The following DNAH10 variants were observed in gnomAD, a reference collection of about 807,000 sequenced individuals.
The protein encoded by DNAH10 is axonemal beta dynein heavy chain 10.
DNAH10 carries 348 observed loss-of-function variants against 506.6 expected under a neutral mutation model. That is an observed-to-expected ratio of 0.69 (90% confidence interval 0.63 to 0.75). The LOEUF is 0.75. Among genes scored for constraint, DNAH10 ranks in the 30% least tolerant of loss-of-function variants. DNAH10 has a pLI of 0.00. For synonymous variants in DNAH10, 2,059 were observed against 2,198.6 expected, an observed-to-expected ratio of 0.94 and a Z score of 1.78; for missense variants, 5,179 against 5,787.1, an observed-to-expected ratio of 0.89 and a Z score of 3.41.
chr12:123,820,459 G>C, intron 23 of DNAH10, 121 bp from the exon 24 acceptor site: 1 of 987,292 alleles, frequency 1.0e-6, no homozygotes, highest in Non-Finnish European at 1.5e-6. Flanking sequence ...TTCTAAATTT[G>C]TCTTCCCGTG....
chr12:123,770,248 A>G (rs1957199363), intron 2 of DNAH10, among the ~76,000 whole-genome samples: 1 of 151,770 alleles, frequency 6.6e-6, no homozygotes, highest in Non-Finnish European at 1.5e-5. Context: ...ATTTGTCTCA[A>G]AAAAAAATTT....
At position 123,907,951 on chromosome 12, in the gene DNAH10, C is replaced by G. The variant is rs983263052; in HGVS notation, c.9816-1310C>G. Among the ~76,000 whole-genome samples the G allele has an allele frequency of 2.6e-5, 4 of 152,156 alleles. No individual in the cohort carries two copies. Among genetic ancestry groups the G allele is most frequent in the Non-Finnish European group, 5.9e-5 (4 of 68,024 alleles). On this transcript the variant is annotated intron_variant, in intron 57 of 78. Coordinates refer to ENST00000673944, the MANE Select transcript of DNAH10 (RefSeq NM_001372106.1). This position sits in a 1 kb window ranked among gnomAD's most constrained non-coding sequence, Gnocchi z 4.4. ...GCTGTTGCCCTGGCTTGTCCGTACACTATGGGGCCTTCTCTCCTCTGCTGT... is the reference window on the plus strand; with the variant it reads ...GCTGTTGCCCTGGCTTGTCCGTACAGTATGGGGCCTTCTCTCCTCTGCTGT...
intron 56 of DNAH10, among the ~76,000 whole-genome samples, chr12:123,901,153 G>C (rs1362217042): frequency 1.3e-5 from 2 of 152,170 alleles, no homozygotes; most frequent in Non-Finnish European, 2.9e-5. Flanking sequence ...TCAAGCACCT[G>C]GCTTCGCCAG....
At position 123,928,029 on chromosome 12, in the gene DNAH10, T is replaced by G. The variant is rs1955022477; in HGVS notation, c.12106-358T>G. 3 of 354,772 alleles carry G rather than the reference T, an allele frequency of 8.5e-6. No homozygotes were observed. Among genetic ancestry groups the G allele is most frequent in the Non-Finnish European group, 1.5e-5 (3 of 193,726 alleles). 22.0% of individuals were successfully genotyped at this position (354,772 alleles called of 1,614,324 possible). A position where few individuals can be genotyped will look rare whatever the true frequency, so the allele number is the denominator to read the frequency against. On this transcript the variant is annotated intron_variant, in intron 69 of 78. Transcript: ENST00000673944. This position sits in a 1 kb window ranked among gnomAD's most constrained non-coding sequence, Gnocchi z 4.9. ...GAAGATCTTACAGTGGCCAGGACAG[T>G]CCCGACTTCCTGGTGGGCTTTAGCT...
At chr12:123,877,136 C>T (rs1254665192) in intron 47 of DNAH10, among the ~76,000 whole-genome samples, 1 of 152,188 alleles carries the variant, frequency 6.6e-6, no homozygotes, top group Admixed American at 6.5e-5. Context: ...TCCCACCTCT[C>T]ATTCCCAGGA....
At position 123,846,002 on chromosome 12, in the gene DNAH10, A is replaced by G; in HGVS notation, c.5662A>G (p.Ser1888Gly). The G allele has an allele frequency of 1.9e-6, 3 of 1,613,908 alleles. No homozygotes were observed. The South Asian group carries it at 3.3e-5, about 18-fold the overall frequency. The change falls in exon 32 of 79, where the codon AGT (serine) becomes GGT (glycine). Residue 1888 changes from serine to glycine, a missense_variant. By Grantham distance (56) the Ser-to-Gly change is moderately conservative (BLOSUM62 0). Around this residue, in one of 3 missense-constraint regions of DNAH10, gnomAD observed 4,844 missense variants for 5,430.5 expected, o/e 0.89. Coordinates refer to ENST00000673944, the MANE Select transcript of DNAH10 (RefSeq NM_001372106.1). This position sits in a 1 kb window ranked among gnomAD's most constrained non-coding sequence, Gnocchi z 4.5. ...ILEAREFDWE[S>G]QLRFYWDREP... ...GGAGGCCCGAGAGTTTGACTGGGAA[A>G]GTCAGTTGCGGTTTTATTGGGACCG...
intron 21 of DNAH10, among the ~76,000 whole-genome samples, chr12:123,816,621 C>T (rs1389391595): frequency 6.6e-6 from 1 of 152,170 alleles, no homozygotes; most frequent in Non-Finnish European, 1.5e-5. Flanking sequence ...AAGTGTCCTT[C>T]TGAGTTCTGT....
chr12:123,847,361 T>G (rs1951003117), intron 32 of DNAH10, among the ~76,000 whole-genome samples: 1 of 151,360 alleles, frequency 6.6e-6, no homozygotes, highest in African/African-American at 2.4e-5. Context: ...TCTGGATATT[T>G]AGGAGGAGAT....
chr12:123,893,538 A>C (rs74787816), intron 53 of DNAH10, 102 bp downstream of exon 53: 8 of 1,324,890 alleles, frequency 6.0e-6, no homozygotes, highest in Admixed American at 1.8e-5. Context: ...AAAGCAAAAC[A>C]AGACACGGCC....
chr12:123,783,390 C>G, intron 7 of DNAH10, 126 bp downstream of exon 7: 1 of 1,169,274 alleles, frequency 8.6e-7, no homozygotes, highest in East Asian at 2.5e-5. Flanking sequence ...TTCCTTAAGC[C>G]ATCAAAATAA....
chr12:123,901,747 G>A (rs572948013), intron 56 of DNAH10, among the ~76,000 whole-genome samples: 30 of 152,226 alleles, frequency 2.0e-4, no homozygotes, highest in African/African-American at 5.8e-4. Flanking sequence ...TGCAACCTCT[G>A]CCTCCTGGGT....
At chr12:123,848,987 C>A in intron 34 of DNAH10, 105 bp downstream of exon 34, 1 of 1,342,876 alleles carries the variant, frequency 7.4e-7, no homozygotes, top group South Asian at 1.4e-5. Flanking sequence ...ACACTCCAGA[C>A]CAGGCTTCCT....
Position 123,770,267 on chromosome 12 carries a change from A to AT in DNAH10, c.299-1334_299-1333insT, listed in dbSNP as rs1957202073. ...GTCTCAAAAAAAAATTTTTTTTTAA[A>AT]ATTTTTTTTGTAGAGATGAGGTTTC... On this transcript the variant is annotated intron_variant, in intron 2 of 78. Transcript: ENST00000673944. Among the ~76,000 whole-genome samples, 3 of 151,558 alleles carry AT rather than the reference A, an allele frequency of 2.0e-5. No homozygotes were observed. The East Asian group carries it at 5.9e-4, about 30-fold the overall frequency.
chr12:123,899,000 T>C (rs1953392588), intron 56 of DNAH10, among the ~76,000 whole-genome samples, 186 bp downstream of exon 56: 1 of 152,204 alleles, frequency 6.6e-6, no homozygotes, highest in Non-Finnish European at 1.5e-5. Context: ...CTTTCTGAAT[T>C]CGTGTCCAGC....
chr12:123,900,705 G>T (rs1292123038), intron 56 of DNAH10, among the ~76,000 whole-genome samples: 1 of 152,212 alleles, frequency 6.6e-6, no homozygotes, highest in Non-Finnish European at 1.5e-5. Flanking sequence ...CCAGAGGCAT[G>T]CTGGCTTCAG....
rs755549451 is a variant in DNAH10, at chr12:123,894,657, A to G, written c.9214A>G (p.Thr3072Ala). 2 of 1,613,976 alleles carry G rather than the reference A, an allele frequency of 1.2e-6. No homozygotes were observed. The highest frequency in any genetic ancestry group is 2.2e-5 in the South Asian group (2 of 91,068). ...TTCCTTTCAAGGTATGGTAAATAAC[A>G]CTGGTATTGACTGGTTCATGCCCTG... is the stretch of plus-strand genomic sequence containing the variant. ...CRNFPGMVNN[T>A]GIDWFMPWPP... Residue 3072 changes from threonine to alanine, a missense_variant, in exon 54 of 79, where the codon ACT becomes GCT. Thr to Ala is a moderately conservative substitution (Grantham distance 58, BLOSUM62 0). Coordinates refer to ENST00000673944, the MANE Select transcript of DNAH10 (RefSeq NM_001372106.1).
chr12:123,779,604 GGA>G (rs33916907), intron 5 of DNAH10, among the ~76,000 whole-genome samples: 40 of 149,670 alleles, frequency 2.7e-4, no homozygotes, highest in African/African-American at 9.6e-4. Context: ...TGGGGGTGGG[GGA>G]GAGAGAGAGA....
chr12:123,857,188 T>C lies in DNAH10; in HGVS notation c.6571T>C (p.Phe2191Leu). 1.2e-6 allele frequency: 2 copies of C among 1,609,686 alleles called. No homozygotes were observed. The highest frequency in any genetic ancestry group is 1.7e-6 in the Non-Finnish European group (2 of 1,178,040). ...CTGCCCTCGCGTCCGCTACCCTGACTTCAACGATGCGGTAGAGCAGGTCCT... is the reference window on the plus strand; with the variant it reads ...CTGCCCTCGCGTCCGCTACCCTGACCTCAACGATGCGGTAGAGCAGGTCCT... ...LDCPRVRYPD[F>L]NDAVEQVLEE... is the part of the protein sequence containing the mutation. The change falls in exon 37 of 79, where the codon TTC becomes CTC. Residue 2191 changes from phenylalanine (F) to leucine (L), a missense_variant. Phe to Leu is a conservative substitution (Grantham distance 22). Coordinates refer to ENST00000673944, the MANE Select transcript of DNAH10 (RefSeq NM_001372106.1).
rs1434362030 is a variant in DNAH10, at chr12:123,931,607, G to C, written c.12917-29G>C. ...CTCCGGTTCTGCACGTGGATGCCTTGCTTTCTCTGAAAAGTGTCCTGGTTT... is the reference window on the plus strand; with the variant it reads ...CTCCGGTTCTGCACGTGGATGCCTTCCTTTCTCTGAAAAGTGTCCTGGTTT... On this transcript the variant is annotated intron_variant, in intron 74 of 78. Transcript: ENST00000673944. 3.7e-6 allele frequency: 6 copies of C among 1,611,224 alleles called. No homozygotes were observed. In the Admixed American group the frequency reaches 1.0e-4, roughly 27 times the overall value.
Sources: allele counts gnomAD v4.1 joint callset (sites outside exome capture counted in the v4.1 genomes callset), GRCh38; gene constraint gnomAD v4.1.1; regional missense constraint gnomAD v4.1.1; non-coding constraint Gnocchi (gnomAD v3.1); transcripts MANE v1.5; gene names NCBI Gene and HGNC (gene_info 2026-07-23, HGNC 2026-07-21).